The following SLIT1 variants were observed in gnomAD, a reference collection of about 807,000 sequenced individuals.
SLIT1 encodes the protein slit guidance ligand 1.
A neutral mutation model predicts 186.1 loss-of-function variants in SLIT1; 66 were observed. That is an observed-to-expected ratio of 0.35 (90% CI 0.29 to 0.44). The LOEUF (loss-of-function observed/expected upper bound fraction) is 0.44, where lower values mean the gene tolerates loss of function less well. Among genes scored for constraint, SLIT1 ranks in the 20% least tolerant of loss-of-function variants. The pLI is 1.00. For synonymous variants in SLIT1, 761 were observed against 833.8 expected (o/e 0.91, Z 1.50); for missense variants, 1,638 against 2,037.4 (o/e 0.80, Z 3.77).
intron 4 of SLIT1, among the ~76,000 whole-genome samples, chr10:97,074,723 G>T (rs546800288): frequency 6.6e-5 from 10 of 152,094 alleles, no homozygotes; most frequent in African/African-American, 2.2e-4. Flanking sequence ...CCAGTCGGCC[G>T]CCCGCCCCTG....
intron 4 of SLIT1, among the ~76,000 whole-genome samples, chr10:97,119,913 G>GTGTATA (rs1241836707): frequency 1.4e-4 from 8 of 56,520 alleles, no homozygotes; most frequent in Non-Finnish European, 2.6e-4. Context: ...TTCCAAAGGG[G>GTGTATA]TATATATATA....
At chr10:97,155,923 C>T (rs990550539) in intron 4 of SLIT1, among the ~76,000 whole-genome samples, 61 of 152,334 alleles carry the variant, frequency 4.0e-4, no homozygotes, top group African/African-American at 1.4e-3. Flanking sequence ...CAGGGCAAGG[C>T]CAGATGCTTG....
At chr10:97,154,681 G>A (rs1448389293) in intron 4 of SLIT1, 1 of 152,224 alleles carries the variant, frequency 6.6e-6, no homozygotes, top group Admixed American at 6.5e-5. Context: ...AGCTGGCCTG[G>A]GACCACTGCA....
intron 4 of SLIT1, among the ~76,000 whole-genome samples, chr10:97,075,062 G>A (rs935404469): frequency 2.0e-5 from 3 of 152,218 alleles, no homozygotes; most frequent in African/African-American, 7.2e-5. Flanking sequence ...CGCCACTGCA[G>A]GGCACAGGCC....
Position 97,047,720 on chromosome 10 carries a change from G to A in SLIT1, c.1604C>T (p.Pro535Leu). 1 of 1,614,000 alleles carries A rather than the reference G, an allele frequency of 6.2e-7. No individual in the cohort carries two copies. The highest frequency in any genetic ancestry group is 8.5e-7 in the Non-Finnish European group (1 of 1,180,034). ...ECSSLKLTKI[P>L]ERIPQSTAEL... Reference sequence around the variant, plus strand: ...TGCCGTGGACTGGGGGATGCGCTCAGGGATCTTGGTGAGCTTCAGGCTGGA... The same window carrying A: ...TGCCGTGGACTGGGGGATGCGCTCAAGGATCTTGGTGAGCTTCAGGCTGGA... The change falls in exon 16 of 37, where the codon CCT becomes CTT. Residue 535 changes from proline (P) to leucine (L), a missense_variant. Around this residue, in one of 3 missense-constraint regions of SLIT1, gnomAD observed 1,245 missense variants for 1,535.3 expected, o/e 0.81. Transcript: ENST00000266058.
Position 97,048,944 on chromosome 10 carries a change from C to T in SLIT1, c.1465+11G>A, listed in dbSNP as rs200225599. 95 of 1,601,732 alleles carry T rather than the reference C, an allele frequency of 5.9e-5. No homozygotes were observed. The highest frequency in any genetic ancestry group is 4.7e-4 in the African/African-American group (35 of 74,376). On this transcript the variant is annotated intron_variant, in intron 14 of 36. Transcript: ENST00000266058. ...GTGGACAGGTGGGCAGGTGGGCAGGCGGGCAGGTACCTGAGCACCGGAACT... is the reference window on the plus strand; with the variant it reads ...GTGGACAGGTGGGCAGGTGGGCAGGTGGGCAGGTACCTGAGCACCGGAACT...
At chr10:97,029,344 G>C (rs1212194853) in intron 25 of SLIT1, among the ~76,000 whole-genome samples, 2 of 152,226 alleles carry the variant, frequency 1.3e-5, no homozygotes, top group Non-Finnish European at 2.9e-5. Context: ...TGAACTTCAA[G>C]AAGAGTGGCT....
At chr10:97,063,030 A>C (rs1016436301) in intron 8 of SLIT1, among the ~76,000 whole-genome samples, 15 of 152,152 alleles carry the variant, frequency 9.9e-5, no homozygotes, top group Admixed American at 9.8e-4. Context: ...TGGAGGATGG[A>C]AAAGGGGGTG....
At chr10:97,005,832 G>A (rs949880331) in intron 32 of SLIT1, among the ~76,000 whole-genome samples, 5 of 152,158 alleles carry the variant, frequency 3.3e-5, no homozygotes, top group African/African-American at 4.8e-5. Flanking sequence ...ACAAAAGAGA[G>A]GGAAGAAAGA....
chr10:97,075,700 T>C (rs534328087), intron 4 of SLIT1, among the ~76,000 whole-genome samples: 30 of 152,288 alleles, frequency 2.0e-4, no homozygotes, highest in African/African-American at 7.0e-4. Context: ...ACCTGGTGGA[T>C]TGGCAGCATC....
chr10:97,040,142 C>T, intron 20 of SLIT1, 22 bp from the exon 21 acceptor site: 3 of 1,535,718 alleles, frequency 2.0e-6, no homozygotes, highest in Non-Finnish European at 2.6e-6. Flanking sequence ...GGCACGAAGC[C>T]CCTGTCAGGG....
chr10:97,062,679 G>A (rs569233173), intron 8 of SLIT1, among the ~76,000 whole-genome samples: 1 of 152,306 alleles, frequency 6.6e-6, no homozygotes, highest in East Asian at 1.9e-4. Flanking sequence ...CACCAGGAAG[G>A]GGCAGAGGCA....
Position 97,021,194 on chromosome 10 carries a change from GTGT to G in SLIT1, c.2746+53_2746+55del. 6.4e-7 allele frequency: 1 copy of G among 1,559,930 alleles called. No individual in the cohort carries two copies. The highest frequency in any genetic ancestry group is 8.7e-7 in the Non-Finnish European group (1 of 1,145,374). On this transcript the variant is annotated intron_variant, in intron 26 of 36. Coordinates refer to ENST00000266058, the MANE Select transcript of SLIT1 (RefSeq NM_003061.3). This position sits in a 1 kb window ranked among gnomAD's most constrained non-coding sequence, Gnocchi z 4.5. ...GCAGGCATGTTAGGAAGGCCCTGCA[GTGT>G]TGGGCAAGTTCTGTGAGCCCCCAGC...
intron 12 of SLIT1, 33 bp from the exon 13 acceptor site, chr10:97,056,497 G>A (rs769078954): frequency 6.2e-7 from 1 of 1,612,478 alleles, no homozygotes; most frequent in Admixed American, 1.7e-5. Context: ...GTGGTGAGGA[G>A]AGAGGCTCGA....
intron 4 of SLIT1, among the ~76,000 whole-genome samples, chr10:97,148,723 A>G (rs1474836975): frequency 6.6e-6 from 1 of 152,160 alleles, no homozygotes; most frequent in Non-Finnish European, 1.5e-5. Context: ...TTATTTTCAT[A>G]ATTTTTATTT....
At chr10:97,181,092 G>C (rs766967472) in intron 1 of SLIT1, among the ~76,000 whole-genome samples, 1 of 152,162 alleles carries the variant, frequency 6.6e-6, no homozygotes, top group Non-Finnish European at 1.5e-5. Context: ...GGGGAAACTG[G>C]GTCTCAGAGC....
Position 97,043,423 on chromosome 10 carries a change from C to A in SLIT1, c.1944G>T (p.Gln648His). 6.2e-7 allele frequency: 1 copy of A among 1,613,992 alleles called. No individual in the cohort carries two copies. The highest frequency in any genetic ancestry group is 8.5e-7 in the Non-Finnish European group (1 of 1,180,014). Residue 648 changes from glutamine (Q) to histidine (H), a missense_variant, in exon 19 of 37, where the codon CAG becomes CAT. Transcript: ENST00000266058. This position sits in a 1 kb window ranked among gnomAD's most constrained non-coding sequence, Gnocchi z 7.0. ...AGGCTCCTGGGGATACGGTGGTGAT[C>A]TGGTTGTCGTAGAGCGAGAGGAGCC... The part of the protein sequence containing the change: ...NVRLLSLYDN[Q>H]ITTVSPGAFD...
intron 4 of SLIT1, among the ~76,000 whole-genome samples, chr10:97,142,448 T>A (rs1849776059): frequency 6.6e-6 from 1 of 152,216 alleles, no homozygotes; most frequent in Non-Finnish European, 1.5e-5. Flanking sequence ...GACCCTTATC[T>A]GATACCATAT....
chr10:97,185,052 C>T (rs1217724031), intron 1 of SLIT1, among the ~76,000 whole-genome samples: 2 of 152,242 alleles, frequency 1.3e-5, no homozygotes, highest in African/African-American at 2.4e-5. Context: ...CGGGAATCTG[C>T]GCAGCTGGCT....
Sources: gnomAD v4.1 joint callset for allele counts (sites outside exome capture counted in the v4.1 genomes callset) on GRCh38, gnomAD v4.1.1 for gene constraint, gnomAD v4.1.1 regional missense constraint, Gnocchi (gnomAD v3.1) non-coding constraint, MANE v1.5 for transcripts, NCBI Gene and HGNC (gene_info 2026-07-23, HGNC 2026-07-21) for gene names.